Variants in RBFOX1 observed in about 807,000 individuals in gnomAD.
The protein encoded by RBFOX1 is RNA binding fox-1 homolog 1.
RBFOX1 carries 8 observed loss-of-function variants against 57.7 expected under a neutral mutation model. The ratio of observed to expected loss-of-function variants is 0.14; its 90% CI spans 0.08 to 0.25. The LOEUF (loss-of-function observed/expected upper bound fraction) is 0.25, where lower values mean the gene tolerates loss of function less well. RBFOX1 is among the 10% of genes least tolerant of loss of function. The pLI is 1.00. For missense variants in RBFOX1, 611 were observed against 548.5 expected (o/e 1.11, Z -1.14); for synonymous variants, 326 against 222.4 (o/e 1.47, Z -4.15).
At chr16:7,427,240 T>C (rs532975456) in intron 4 of RBFOX1, among the ~76,000 whole-genome samples, 189 of 152,292 alleles carry the variant, frequency 1.2e-3, no homozygotes, top group Non-Finnish European at 2.2e-3. Flanking sequence ...GTTGTGCACA[T>C]GTACCCTAGA....
chr16:6,081,213 TGA>T (rs2152507304), intron 1 of RBFOX1, among the ~76,000 whole-genome samples: 1 of 152,190 alleles, frequency 6.6e-6, no homozygotes, highest in Admixed American at 6.5e-5. Context: ...TGAAACAAAA[TGA>T]GAGTTTAACA....
At chr16:6,380,346 A>G (rs1159993574) in intron 2 of RBFOX1, among the ~76,000 whole-genome samples, 2 of 146,290 alleles carry the variant, frequency 1.4e-5, no homozygotes, top group African/African-American at 5.0e-5. Context: ...CTGGAGGCTG[A>G]AGACCCCTCC....
At chr16:7,391,327 T>G (rs908135920) in intron 4 of RBFOX1, among the ~76,000 whole-genome samples, 3 of 152,162 alleles carry the variant, frequency 2.0e-5, no homozygotes, top group Non-Finnish European at 4.4e-5. Flanking sequence ...AGGGCCCTCA[T>G]GGAGGTAGAG....
intron 4 of RBFOX1, among the ~76,000 whole-genome samples, chr16:5,943,633 G>T (rs779239045): frequency 1.2e-4 from 18 of 152,140 alleles, no homozygotes; most frequent in Admixed American, 2.0e-4. Flanking sequence ...CATCTTGATT[G>T]ATTTATCTGT....
intron 12 of RBFOX1, among the ~76,000 whole-genome samples, chr16:7,658,531 G>A (rs2066892919): frequency 1.3e-5 from 2 of 152,046 alleles, no homozygotes; most frequent in Admixed American, 1.3e-4. Flanking sequence ...GCTGTTCAGG[G>A]AGCTCACAAG....
intron 3 of RBFOX1, among the ~76,000 whole-genome samples, chr16:5,827,402 GGAAAAAAA>G (rs979309600): frequency 2.5e-4 from 25 of 100,476 alleles, no homozygotes; most frequent in Non-Finnish European, 4.2e-4. Flanking sequence ...TCCATCTCAG[GGAAAAAAA>G]AAAAAAAAAA....
chr16:6,888,505 C>T (rs980364735), intron 3 of RBFOX1, among the ~76,000 whole-genome samples: 2 of 152,136 alleles, frequency 1.3e-5, no homozygotes, highest in Admixed American at 6.5e-5. Context: ...CTTGCAATTG[C>T]ACTCTCTGTC....
chr16:6,716,284 C>G (rs1268159243), intron 3 of RBFOX1, among the ~76,000 whole-genome samples: 1 of 152,162 alleles, frequency 6.6e-6, no homozygotes, highest in Admixed American at 6.5e-5. Context: ...GCCATCGTTG[C>G]TTTTCATAAA....
At chr16:6,215,651 G>A (rs1456803131) in intron 1 of RBFOX1, among the ~76,000 whole-genome samples, 2 of 151,988 alleles carry the variant, frequency 1.3e-5, no homozygotes, top group African/African-American at 4.8e-5. Flanking sequence ...TTTCCTTCCT[G>A]TAGATTTTTG....
intron 4 of RBFOX1, among the ~76,000 whole-genome samples, chr16:7,146,499 A>G (rs914404629): frequency 3.9e-5 from 6 of 152,172 alleles, no homozygotes; most frequent in Admixed American, 1.3e-4. Flanking sequence ...TTCTGATACT[A>G]GAGAGAGCTA....
chr16:7,187,375 A>T (rs8055074), intron 4 of RBFOX1, among the ~76,000 whole-genome samples: 58,968 of 151,838 alleles, frequency 0.39, 12,100 homozygotes, highest in Non-Finnish European at 0.45. Context: ...ACAAAGAAGT[A>T]TATACATAAT....
intron 14 of RBFOX1, 142 bp from the exon 15 acceptor site, chr16:7,708,914 A>G (rs2083374958): frequency 4.4e-6 from 3 of 689,236 alleles, no homozygotes; most frequent in African/African-American, 3.6e-5. Flanking sequence ...CTCTTCTTAT[A>G]CTACACAGCA....
At chr16:7,450,767 G>C (rs906145304) in intron 4 of RBFOX1, among the ~76,000 whole-genome samples, 4 of 152,118 alleles carry the variant, frequency 2.6e-5, no homozygotes, top group Non-Finnish European at 5.9e-5. Context: ...TGAGGAGGAG[G>C]AACCAGTGAC....
chr16:6,946,842 C>G (rs932412658), intron 3 of RBFOX1, among the ~76,000 whole-genome samples: 21 of 152,160 alleles, frequency 1.4e-4, no homozygotes, highest in African/African-American at 4.8e-4. Flanking sequence ...TTCTGAATCT[C>G]AAGCAATCCT....
At position 7,621,022 on chromosome 16, in the gene RBFOX1, G is replaced by A. The variant is rs75537856; in HGVS notation, c.677-9581G>A. The stretch of plus-strand genomic sequence containing the variant: ...ATCTGCATCCCCTGGAAGCCTATGA[G>A]AAATGCAGAGTCTCAGGCCCCACCC... On this transcript the variant is annotated intron_variant, in intron 10 of 15. Transcript: ENST00000550418. Among the ~76,000 whole-genome samples the A allele has an allele frequency of 0.014, 2,078 of 152,128 alleles. 155 individuals carry two copies. The East Asian group carries it at 0.21, about 15-fold the overall frequency.
chr16:6,188,246 C>T (rs1380283954), intron 1 of RBFOX1, among the ~76,000 whole-genome samples: 2 of 152,076 alleles, frequency 1.3e-5, no homozygotes, highest in Non-Finnish European at 2.9e-5. Flanking sequence ...CGTCTACCCA[C>T]ACATTAACTA....
At chr16:5,876,505 G>T (rs1227802049) in intron 4 of RBFOX1, among the ~76,000 whole-genome samples, 2 of 152,170 alleles carry the variant, frequency 1.3e-5, no homozygotes, top group Non-Finnish European at 2.9e-5. Context: ...CAAAGGCTCA[G>T]TCTTTTAAAC....
intron 3 of RBFOX1, among the ~76,000 whole-genome samples, chr16:7,027,664 ACATGG>A (rs1402701618): frequency 6.6e-6 from 1 of 152,218 alleles, no homozygotes; most frequent in African/African-American, 2.4e-5. Context: ...CTTTCAAAAG[ACATGG>A]CAGGGAAGGT....
In RBFOX1 at chr16:6,845,536, G is replaced by A. The variant is rs13339181; in HGVS notation, c.-16+190886G>A. 7.1e-3 allele frequency among the ~76,000 whole-genome samples: 1,081 copies of A among 152,168 alleles called. 12 individuals are homozygous for A. The highest frequency in any genetic ancestry group is 0.025 in the African/African-American group (1,019 of 41,516). ...AGTTCTGTGTTCTGTTCCGTTGGTC[G>A]TTGTGTCTGTTTTTGCACCAGTGCC... is the stretch of plus-strand genomic sequence containing the variant. On this transcript the variant is annotated intron_variant, in intron 3 of 15. Transcript: ENST00000550418.
Sources: gnomAD v4.1 joint callset for allele counts (sites outside exome capture counted in the v4.1 genomes callset) on GRCh38, gnomAD v4.1.1 for gene constraint, MANE v1.5 for transcripts, NCBI Gene and HGNC (gene_info 2026-07-23, HGNC 2026-07-21) for gene names.